VEZF1: variants seen among roughly 807,000 people sequenced by gnomAD.
The protein encoded by VEZF1 is vascular endothelial zinc finger 1, also known as putative transcription factor DB1.
A neutral mutation model predicts 44.1 loss-of-function variants in VEZF1; 5 were observed. That is an observed-to-expected ratio of 0.11 (90% CI 0.06 to 0.24). The LOEUF (loss-of-function observed/expected upper bound fraction) is 0.24. VEZF1 is among the 10% of genes least tolerant of loss of function. The probability of loss-of-function intolerance (pLI) is 1.00; values close to 1 mark genes in which losing one functional copy is unlikely to be tolerated. For synonymous variants in VEZF1, 236 were observed against 233.1 expected (o/e 1.01, Z -0.11); for missense variants, 358 against 641.8 (o/e 0.56, Z 4.78).
intron 2 of VEZF1, 145 bp from the exon 3 acceptor site, chr17:57,982,081 A>G: frequency 1.3e-6 from 1 of 761,024 alleles, no homozygotes; most frequent in East Asian, 2.7e-5. Context: ...CCCCGGTGCA[A>G]GTCTCCTTCC....
chr17:57,984,745 G>A (rs995551467), intron 1 of VEZF1, among the ~76,000 whole-genome samples: 1 of 152,140 alleles, frequency 6.6e-6, no homozygotes, highest in Non-Finnish European at 1.5e-5. Context: ...TTGCTTCTAT[G>A]TTTACTTGAT....
intron 1 of VEZF1, among the ~76,000 whole-genome samples, chr17:57,987,205 G>A (rs962150278): frequency 6.6e-6 from 1 of 152,172 alleles, no homozygotes; most frequent in Non-Finnish European, 1.5e-5. Flanking sequence ...TGGAGGAAAC[G>A]TTCGAGGTGG....
intron 2 of VEZF1, 97 bp from the exon 3 acceptor site, chr17:57,982,033 C>T: frequency 1.5e-6 from 2 of 1,311,976 alleles, no homozygotes; most frequent in Non-Finnish European, 2.2e-6. Context: ...GGAAGGGGTG[C>T]ATTTTAGGGA....
chr17:57,977,999 T>TC (rs1241056612), intron 5 of VEZF1, among the ~76,000 whole-genome samples: 1 of 151,868 alleles, frequency 6.6e-6, no homozygotes, highest in Non-Finnish European at 1.5e-5. Context: ...GATCAGGAGT[T>TC]CAAGACTAGC....
chr17:57,983,596 G>C (rs1479946771), intron 1 of VEZF1, among the ~76,000 whole-genome samples: 2 of 152,186 alleles, frequency 1.3e-5, no homozygotes, highest in Non-Finnish European at 2.9e-5. Context: ...CAAAACTTTT[G>C]CAACTAAGTT....
rs966124306 is a variant in VEZF1 at position 57,979,168 on chromosome 17, A to C, written c.1122T>G (p.Val374=). Residue 374 remains valine, a synonymous_variant, in exon 5 of 6, where the codon GTT becomes GTG. Coordinates refer to ENST00000581208, the MANE Select transcript of VEZF1 (RefSeq NM_007146.3). The part of the protein sequence containing the change: ...VETLRLWEEA[V]KARKKEAANL... ...GTGCCTTACCTTTCTTCCTTGCTTT[A>C]ACAGCTTCTTCCCACAGTCTCAGTG... 9 of 1,612,818 alleles carry C rather than the reference A, an allele frequency of 5.6e-6. No individual in the cohort carries two copies. Among genetic ancestry groups the C allele is most frequent in the Non-Finnish European group, 7.6e-6 (9 of 1,179,930 alleles).
chr17:57,981,455 CA>C (rs2075249086), intron 3 of VEZF1, among the ~76,000 whole-genome samples: 1 of 152,118 alleles, frequency 6.6e-6, no homozygotes, highest in South Asian at 2.1e-4. Flanking sequence ...TTGGTAATAA[CA>C]AACAAAAATC....
chr17:57,977,795 G>A (rs1019509497), intron 5 of VEZF1, among the ~76,000 whole-genome samples: 1 of 149,014 alleles, frequency 6.7e-6, no homozygotes, highest in African/African-American at 2.5e-5. Context: ...GGTGAGACAA[G>A]ATCATGCCAT....
At chr17:57,983,579 G>A (rs1490404716) in intron 1 of VEZF1, among the ~76,000 whole-genome samples, 186 bp from the exon 2 acceptor site, 1 of 152,196 alleles carries the variant, frequency 6.6e-6, no homozygotes, top group East Asian at 1.9e-4. Context: ...AAATCACTGT[G>A]CAGACACAAA....
Position 57,982,938 on chromosome 17 carries a change from G to C in VEZF1, c.489C>G (p.Val163=), listed in dbSNP as rs1249748226. The C allele has an allele frequency of 1.2e-6, 2 of 1,614,058 alleles. No individual in the cohort carries two copies. Among genetic ancestry groups the C allele is most frequent in the African/African-American group, 2.7e-5 (2 of 74,914 alleles). ...STTAMPVTQS[V]KKPSKPVKKN... ...TCTTGACAGGCTTACTGGGTTTCTT[G>C]ACAGACTGGGTCACTGGCATAGCTG... is the stretch of plus-strand genomic sequence containing the variant. Residue 163 remains valine (V), a synonymous_variant, in exon 2 of 6, where the codon GTC becomes GTG. Transcript: ENST00000581208.
chr17:57,977,964 A>G (rs573367683), intron 5 of VEZF1, among the ~76,000 whole-genome samples: 1 of 152,154 alleles, frequency 6.6e-6, no homozygotes, highest in East Asian at 1.9e-4. Flanking sequence ...GAACTTTAGG[A>G]GTCTGAGGCG....
At position 57,974,400 on chromosome 17, in the gene VEZF1, T is replaced by C; in HGVS notation, c.*73A>G. The C allele has an allele frequency of 6.8e-7, 1 of 1,473,906 alleles. No individual in the cohort carries two copies. The highest frequency in any genetic ancestry group is 9.2e-7 in the Non-Finnish European group (1 of 1,086,744). The allele number at this position is 1,473,906 out of a possible 1,614,324, so 91.3% of individuals were successfully genotyped here. On this transcript the variant is annotated 3_prime_UTR_variant, in exon 6 of 6. Coordinates refer to ENST00000581208, the MANE Select transcript of VEZF1 (RefSeq NM_007146.3). Reference sequence around the variant, plus strand: ...TCTCCCAATTTCATGGTTTACTTTTTGCTTTAATCAACTAAAAGTTAAGTT... The same window carrying C: ...TCTCCCAATTTCATGGTTTACTTTTCGCTTTAATCAACTAAAAGTTAAGTT...
intron 1 of VEZF1, among the ~76,000 whole-genome samples, chr17:57,987,513 G>A (rs1166395913): frequency 6.6e-6 from 1 of 152,176 alleles, no homozygotes; most frequent in Non-Finnish European, 1.5e-5. Context: ...GGGAACCTGG[G>A]GATACCCGCT....
In VEZF1 at chr17:57,979,247, TGCTGCTGCTGCTGCTGC is replaced by T. The variant is rs1567738318; in HGVS notation, c.1026_1042del (p.Gln343AlafsTer27). ...CACATGTTGTTGTTGTTGTTGTTGC[TGCTGCTGCTGCTGCTGC>T]TGCTGCTGCTGCTGCTGCTTTTGGT... On this transcript the variant is annotated frameshift_variant, in exon 5 of 6. Transcript: ENST00000581208. LOFTEE classifies it high-confidence loss of function. 2 of 1,574,820 alleles carry T rather than the reference TGCTGCTGCTGCTGCTGC, an allele frequency of 1.3e-6. No homozygotes were observed. The highest frequency in any genetic ancestry group is 3.0e-5 in the African/African-American group (2 of 66,440).
intron 5 of VEZF1, among the ~76,000 whole-genome samples, chr17:57,977,773 G>C (rs2075206242): frequency 6.6e-6 from 1 of 151,864 alleles, no homozygotes; most frequent in South Asian, 2.1e-4. Flanking sequence ...GAACCTGGGA[G>C]GCGGAGGTTG....
At chr17:57,980,224 G>A (rs545770408) in intron 4 of VEZF1, among the ~76,000 whole-genome samples, 29 of 152,248 alleles carry the variant, frequency 1.9e-4, no homozygotes, top group African/African-American at 6.7e-4. Flanking sequence ...TTCTTCTAGT[G>A]GTTAGGGCAA....
At chr17:57,975,559 A>C (rs1223151818) in intron 5 of VEZF1, among the ~76,000 whole-genome samples, 1 of 152,220 alleles carries the variant, frequency 6.6e-6, no homozygotes, top group Non-Finnish European at 1.5e-5. Flanking sequence ...AAATAATCTT[A>C]TTCTTTCTGG....
intron 5 of VEZF1, among the ~76,000 whole-genome samples, chr17:57,975,302 C>T (rs2143318654): frequency 6.6e-6 from 1 of 152,368 alleles, no homozygotes; most frequent in South Asian, 2.1e-4. Flanking sequence ...CAACCTCCAG[C>T]AGGCCAGGCT....
intron 1 of VEZF1, among the ~76,000 whole-genome samples, chr17:57,985,825 T>C (rs1399236420): frequency 6.6e-6 from 1 of 152,188 alleles, no homozygotes; most frequent in Non-Finnish European, 1.5e-5. Flanking sequence ...TTAATAGCTA[T>C]AGCTTTCACT....
Sources: gnomAD v4.1 joint callset for allele counts (sites outside exome capture counted in the v4.1 genomes callset) on GRCh38, gnomAD v4.1.1 for gene constraint, MANE v1.5 for transcripts, NCBI Gene and HGNC (gene_info 2026-07-23, HGNC 2026-07-21) for gene names.